Variants in RNF4 observed in about 807,000 individuals in gnomAD.
RNF4 encodes the protein ring finger protein 4.
Under a neutral mutation model 24.3 loss-of-function variants are expected in RNF4, and 7 were observed. The observed-to-expected ratio is 0.29, with a 90% CI of 0.16 to 0.54. The LOEUF is 0.54. Ranked by LOEUF, RNF4 falls within the 20% of genes least tolerant of loss-of-function variation. The pLI, the probability that RNF4 is intolerant of heterozygous loss-of-function variation, is 0.95. For missense variants in RNF4, 209 were observed against 248.5 expected, an observed-to-expected ratio of 0.84 and a Z score of 1.07; for synonymous variants, 83 against 84.3, an observed-to-expected ratio of 0.98 and a Z score of 0.09.
chr4:2,484,318 T>C (rs1460803808), intron 1 of RNF4, among the ~76,000 whole-genome samples: 1 of 151,958 alleles, frequency 6.6e-6, no homozygotes, highest in African/African-American at 2.4e-5. Context: ...CCTTTTCAGC[T>C]GACTCTTTGC....
At chr4:2,495,707 A>T (rs1735716125) in intron 2 of RNF4, among the ~76,000 whole-genome samples, 1 of 151,486 alleles carries the variant, frequency 6.6e-6, no homozygotes, top group South Asian at 2.1e-4. Flanking sequence ...ATCTCGGCTC[A>T]CCGCATCCTC....
chr4:2,499,202 A>C (rs1425680966), intron 3 of RNF4: 1 of 392,238 alleles, frequency 2.5e-6, no homozygotes, highest in Non-Finnish European at 5.0e-6. Context: ...GTCTCAAAAA[A>C]AAAAAGTTAA....
chr4:2,490,283 T>A, intron 1 of RNF4, 54 bp from the exon 2 acceptor site: 1 of 569,308 alleles, frequency 1.8e-6, no homozygotes, highest in Non-Finnish European at 3.1e-6. Flanking sequence ...AGCTCAGCTT[T>A]GTTTCAATGA....
chr4:2,485,993 T>C (rs1735395081), intron 1 of RNF4, among the ~76,000 whole-genome samples: 1 of 152,184 alleles, frequency 6.6e-6, no homozygotes, highest in South Asian at 2.1e-4. Context: ...CTGGAATTGA[T>C]GTATTTGATT....
chr4:2,490,446 A>G lies in RNF4; in HGVS notation c.-48A>G. The G allele has an allele frequency of 1.2e-6, 2 of 1,606,134 alleles. No homozygotes were observed. Among genetic ancestry groups the G allele is most frequent in the Non-Finnish European group, 1.7e-6 (2 of 1,175,040 alleles). ...ATTTGACTTCCCTGCAAACCTTGGT[A>G]TAGATCACTTCCTTTTCTGTAGGAA... On this transcript the variant is annotated 5_prime_UTR_variant, in exon 2 of 8. Transcript: ENST00000314289.
rs1277876833 is a variant in RNF4 at position 2,515,118 on chromosome 4, CT to C, written c.*1301del. 1 of 152,690 alleles carries C rather than the reference CT, an allele frequency of 6.5e-6. No individual in the cohort carries two copies. The highest frequency in any genetic ancestry group is 1.5e-5 in the Non-Finnish European group (1 of 68,076). The allele number at this position is 152,690 out of a possible 1,614,324, so 9.5% of individuals were successfully genotyped here. A position where few individuals can be genotyped will look rare whatever the true frequency, so the allele number is the denominator to read the frequency against. On this transcript the variant is annotated 3_prime_UTR_variant, in exon 8 of 8. Transcript: ENST00000314289. Reference sequence around the variant, plus strand: ...GCATGCCTCCTCTTCCACTGTCGTCCTTCCTCAGAGGGCCTCACGCCAAACA... The same window carrying C: ...GCATGCCTCCTCTTCCACTGTCGTCCTCCTCAGAGGGCCTCACGCCAAACA...
intron 4 of RNF4, 34 bp downstream of exon 4, chr4:2,500,772 TG>T: frequency 6.2e-7 from 1 of 1,604,430 alleles, no homozygotes; most frequent in Non-Finnish European, 8.5e-7. Flanking sequence ...GGCTGTTTCT[TG>T]GGTATGGGTC....
At chr4:2,483,275 T>G (rs867961908) in intron 1 of RNF4, among the ~76,000 whole-genome samples, 1 of 152,248 alleles carries the variant, frequency 6.6e-6, no homozygotes, top group African/African-American at 2.4e-5. Flanking sequence ...ACTGGGTGTT[T>G]CATTCAGCGG....
At chr4:2,491,830 G>T (rs1735586630) in intron 2 of RNF4, among the ~76,000 whole-genome samples, 1 of 151,960 alleles carries the variant, frequency 6.6e-6, no homozygotes, top group Non-Finnish European at 1.5e-5. Context: ...AACTCCTGGA[G>T]TCAAGCAATC....
intron 2 of RNF4, among the ~76,000 whole-genome samples, chr4:2,491,603 C>T (rs1735580849): frequency 6.6e-6 from 1 of 152,090 alleles, no homozygotes; most frequent in Non-Finnish European, 1.5e-5. Flanking sequence ...CCACCACACC[C>T]AGCTGATTTT....
intron 1 of RNF4, among the ~76,000 whole-genome samples, chr4:2,478,575 A>G (rs1458622892): frequency 6.6e-6 from 1 of 152,236 alleles, no homozygotes; most frequent in Admixed American, 6.5e-5. Context: ...GGGCCAACAT[A>G]GAGTAGAACT....
chr4:2,478,972 G>A (rs1459111159), intron 1 of RNF4, among the ~76,000 whole-genome samples: 2 of 152,216 alleles, frequency 1.3e-5, no homozygotes, highest in Non-Finnish European at 2.9e-5. Context: ...CGGGAGGGAG[G>A]CTGTACTCTG....
At chr4:2,474,598 G>A (rs1099786) in intron 1 of RNF4, among the ~76,000 whole-genome samples, 128,426 of 152,188 alleles carry the variant, frequency 0.84, 54,240 homozygotes, top group South Asian at 0.89. Flanking sequence ...CAGTGGCAGG[G>A]TTTGAAAGGA....
chr4:2,495,554 A>G (rs1024443369), intron 2 of RNF4, among the ~76,000 whole-genome samples: 2 of 150,078 alleles, frequency 1.3e-5, no homozygotes, highest in African/African-American at 4.9e-5. Flanking sequence ...TGCAAAGGAT[A>G]GCAGGACAGG....
chr4:2,486,272 T>C (rs1487656024), intron 1 of RNF4, among the ~76,000 whole-genome samples: 1 of 152,244 alleles, frequency 6.6e-6, no homozygotes, highest in African/African-American at 2.4e-5. Context: ...TTAGTTTTCT[T>C]ATTCCATTGG....
chr4:2,513,896 C>T lies in RNF4; in HGVS notation c.*77C>T. The stretch of plus-strand genomic sequence containing the variant: ...CTCCAGTGGTATCTGCCTCCATTTT[C>T]CTGAGATCAAAAAGACTGTTTCGAA... On this transcript the variant is annotated 3_prime_UTR_variant, in exon 8 of 8. Coordinates refer to ENST00000314289, the MANE Select transcript of RNF4 (RefSeq NM_002938.5). 1.3e-6 allele frequency: 2 copies of T among 1,583,072 alleles called. No homozygotes were observed. The highest frequency in any genetic ancestry group is 1.7e-6 in the Non-Finnish European group (2 of 1,158,544).
intron 3 of RNF4, among the ~76,000 whole-genome samples, chr4:2,498,283 A>G (rs915286436): frequency 3.3e-5 from 5 of 152,008 alleles, no homozygotes; most frequent in African/African-American, 4.8e-5. Context: ...TCCCAGGTTT[A>G]AGCAAGTCTC....
At position 2,488,391 on chromosome 4, in the gene RNF4, A is replaced by T. The variant is rs577814981; in HGVS notation, c.-157-1946A>T. Reference sequence around the variant, plus strand: ...GGCAGGAGAATCACTTGAACCTGGGAGGTGGAGGTTGCAGTGAGCCCACTG... The same window carrying T: ...GGCAGGAGAATCACTTGAACCTGGGTGGTGGAGGTTGCAGTGAGCCCACTG... On this transcript the variant is annotated intron_variant, in intron 1 of 7. Coordinates refer to ENST00000314289, the MANE Select transcript of RNF4 (RefSeq NM_002938.5). Among the ~76,000 whole-genome samples the T allele has an allele frequency of 1.2e-3, 190 of 152,296 alleles. 1 individual carries two copies. The highest frequency in any genetic ancestry group is 1.3e-3 in the Non-Finnish European group (86 of 68,018).
At chr4:2,499,058 G>T (rs1429298965) in intron 3 of RNF4, among the ~76,000 whole-genome samples, 1 of 151,858 alleles carries the variant, frequency 6.6e-6, no homozygotes, top group African/African-American at 2.4e-5. Context: ...TTAGACGGGC[G>T]TGGTGGCGGG....
Sources: gnomAD v4.1 joint callset for allele counts (sites outside exome capture counted in the v4.1 genomes callset) on GRCh38, gnomAD v4.1.1 for gene constraint, MANE v1.5 for transcripts, NCBI Gene and HGNC (gene_info 2026-07-23, HGNC 2026-07-21) for gene names.